KCNN2: variants seen among roughly 807,000 people sequenced by gnomAD.
The protein encoded by KCNN2 is potassium calcium-activated channel subfamily N member 2.
In KCNN2, 24 loss-of-function variants were observed where a neutral mutation model predicts 55.5. That is an observed-to-expected ratio of 0.43 (90% CI 0.31 to 0.61). The LOEUF (loss-of-function observed/expected upper bound fraction) is 0.61. KCNN2 is among the 20% of genes least tolerant of loss of function. The pLI, the probability that KCNN2 is intolerant of heterozygous loss-of-function variation, is 0.08. For missense variants in KCNN2, 754 were observed against 853.6 expected (o/e 0.88, Z 1.45); for synonymous variants, 431 against 336.1 (o/e 1.28, Z -3.09).
chr5:114,072,379 AC>A (rs940078861), intron 1 of KCNN2, among the ~76,000 whole-genome samples: 3 of 151,932 alleles, frequency 2.0e-5, no homozygotes, highest in Non-Finnish European at 4.4e-5. Context: ...AAGTGCAAAG[AC>A]CCCTGCCAGA....
intron 4 of KCNN2, among the ~76,000 whole-genome samples, chr5:114,470,885 C>A (rs1451488329): frequency 6.6e-6 from 1 of 152,092 alleles, no homozygotes; most frequent in Admixed American, 6.6e-5. Flanking sequence ...TGGGTTTTAT[C>A]CCTGGAGATG....
At chr5:114,450,585 G>C (rs1760629073) in intron 3 of KCNN2, among the ~76,000 whole-genome samples, 2 of 152,170 alleles carry the variant, frequency 1.3e-5, no homozygotes, top group South Asian at 4.1e-4. Flanking sequence ...AGGCGTTTTT[G>C]CCAAATTCCA....
intron 3 of KCNN2, among the ~76,000 whole-genome samples, chr5:114,442,016 T>C (rs895484753): frequency 6.6e-6 from 1 of 152,176 alleles, no homozygotes; most frequent in Non-Finnish European, 1.5e-5. Context: ...CATACTATTT[T>C]AGTATAGCTC....
chr5:114,475,395 C>CT (rs2150126387), intron 5 of KCNN2, among the ~76,000 whole-genome samples: 1 of 152,100 alleles, frequency 6.6e-6, no homozygotes, highest in East Asian at 1.9e-4. Context: ...CCAGAAATCC[C>CT]TCAAGAGACA....
At chr5:114,334,160 ATTATT>A (rs1756876281) in intron 2 of KCNN2, among the ~76,000 whole-genome samples, 1 of 152,050 alleles carries the variant, frequency 6.6e-6, no homozygotes, top group South Asian at 2.1e-4. Context: ...TGGATTAGTT[ATTATT>A]TTATTATTTC....
At chr5:114,376,267 T>C (rs368226159) in intron 2 of KCNN2, among the ~76,000 whole-genome samples, 94 of 152,220 alleles carry the variant, frequency 6.2e-4, no homozygotes, top group African/African-American at 2.2e-3. Context: ...GGGACATGTG[T>C]TTAGGACTTA....
chr5:114,495,866 T>A (rs977711716), intron 7 of KCNN2, 29 bp from the exon 8 acceptor site: 5 of 1,600,922 alleles, frequency 3.1e-6, no homozygotes, highest in Non-Finnish European at 4.3e-6. Context: ...GCAAGTATAA[T>A]TAACCTTCTT....
At chr5:114,228,903 A>T (rs1322280460) in intron 2 of KCNN2, among the ~76,000 whole-genome samples, 1 of 152,110 alleles carries the variant, frequency 6.6e-6, no homozygotes, top group East Asian at 1.9e-4. Context: ...AGACAATTAT[A>T]GCAATAAATT....
At chr5:114,465,791 T>G (rs1761418702) in intron 4 of KCNN2, among the ~76,000 whole-genome samples, 2 of 152,220 alleles carry the variant, frequency 1.3e-5, no homozygotes, top group African/African-American at 4.8e-5. Flanking sequence ...TCAGACTTAT[T>G]TCCTAATTAA....
chr5:114,362,569 G>C lies in KCNN2; in HGVS notation c.430G>C (p.Ala144Pro). 1 of 655,202 alleles carries C rather than the reference G, an allele frequency of 1.5e-6. No individual in the cohort carries two copies. The highest frequency in any genetic ancestry group is 2.5e-6 in the Non-Finnish European group (1 of 407,140). The allele number at this position is 655,202 out of a possible 1,614,324, so 40.6% of individuals were successfully genotyped here. The change falls in exon 1 of 8, where the codon GCG becomes CCG. Residue 144 changes from alanine (A) to proline (P), a missense_variant. Ala to Pro is a conservative substitution (Grantham distance 27). Around this residue, in one of 4 missense-constraint regions of KCNN2, gnomAD observed 381 missense variants for 259.1 expected, o/e 1.47. Transcript: ENST00000673685. ...TGCCAGTGCGCTCCGGCAGCAGTAC[G>C]CGCAGCAGTCCGCGCAGCAGTCGGC... The part of the protein sequence containing the change: ...SHASALRQQY[A>P]QQSAQQSASA...
chr5:114,142,173 T>G (rs896368496), intron 1 of KCNN2, among the ~76,000 whole-genome samples: 2 of 152,200 alleles, frequency 1.3e-5, no homozygotes, highest in African/African-American at 4.8e-5. Context: ...TTGTTGCCAT[T>G]GCTTTTGGTG....
chr5:114,192,810 T>A (rs1420231499), intron 1 of KCNN2, among the ~76,000 whole-genome samples: 8 of 152,162 alleles, frequency 5.3e-5, no homozygotes, highest in Admixed American at 2.0e-4. Context: ...AGCTACGAAC[T>A]GAGCTACAAA....
chr5:114,061,669 G>A (rs1750333913), intron 1 of KCNN2, among the ~76,000 whole-genome samples: 1 of 152,088 alleles, frequency 6.6e-6, no homozygotes, highest in Non-Finnish European at 1.5e-5. Context: ...TTTGTTTTCT[G>A]TAGATACATG....
chr5:114,124,992 A>G (rs1347659602), intron 1 of KCNN2, among the ~76,000 whole-genome samples: 2 of 152,156 alleles, frequency 1.3e-5, no homozygotes, highest in East Asian at 3.8e-4. Flanking sequence ...TGTTCTGATC[A>G]TTGCTGTGTC....
Position 114,362,473 on chromosome 5 carries a change from T to A in KCNN2, c.334T>A (p.Cys112Ser). ...CTCCTCGCCGCTGTCGGGCTCGTCCTGCTGCTGCTGCTGCTGCTCGTCGCG... is the reference window on the plus strand; with the variant it reads ...CTCCTCGCCGCTGTCGGGCTCGTCCAGCTGCTGCTGCTGCTGCTCGTCGCG... The part of the protein sequence containing the change: ...RTSSPLSGSS[C>S]CCCCCSSRRG... The change falls in exon 1 of 8, where the codon TGC becomes AGC. Residue 112 changes from cysteine (C) to serine (S), a missense_variant. Physicochemically the swap from Cys to Ser is moderately radical, Grantham distance 112. Around this residue, in one of 4 missense-constraint regions of KCNN2, gnomAD observed 381 missense variants for 259.1 expected, o/e 1.47. Transcript: ENST00000673685. The A allele has an allele frequency of 3.1e-6, 1 of 323,674 alleles. No homozygotes were observed. The highest frequency in any genetic ancestry group is 6.2e-5 in the South Asian group (1 of 16,112). The allele number at this position is 323,674 out of a possible 1,614,324, so 20.1% of individuals were successfully genotyped here.
intron 1 of KCNN2, among the ~76,000 whole-genome samples, chr5:114,134,821 C>A (rs1752142464): frequency 6.6e-6 from 1 of 152,124 alleles, no homozygotes; most frequent in Non-Finnish European, 1.5e-5. Flanking sequence ...GTTTCTCTTG[C>A]TGAACAGAAG....
At chr5:114,128,585 T>C (rs1404165684) in intron 1 of KCNN2, among the ~76,000 whole-genome samples, 1 of 152,202 alleles carries the variant, frequency 6.6e-6, no homozygotes, top group Non-Finnish European at 1.5e-5. Flanking sequence ...TTTCAACATA[T>C]CATTTTCAAG....
At chr5:114,356,958 T>A (rs1757304394) in intron 2 of KCNN2, among the ~76,000 whole-genome samples, 2 of 152,090 alleles carry the variant, frequency 1.3e-5, no homozygotes, top group Admixed American at 1.3e-4. Flanking sequence ...GACAGTAAGT[T>A]CAGAGTGGCG....
chr5:114,256,434 A>C (rs1018168965), intron 2 of KCNN2, among the ~76,000 whole-genome samples: 2 of 152,192 alleles, frequency 1.3e-5, no homozygotes, highest in Admixed American at 6.5e-5. Context: ...CTCTATTTTT[A>C]GTTCTTTGAG....
Sources: gnomAD v4.1 joint callset for allele counts (sites outside exome capture counted in the v4.1 genomes callset) on GRCh38, gnomAD v4.1.1 for gene constraint, gnomAD v4.1.1 regional missense constraint, MANE v1.5 for transcripts, NCBI Gene and HGNC (gene_info 2026-07-23, HGNC 2026-07-21) for gene names.